Variants in NEGR1 observed in about 807,000 individuals in gnomAD.
NEGR1 encodes IgLON family member 4.
In NEGR1, 10 loss-of-function variants were observed where a neutral mutation model predicts 40.9. The observed-to-expected ratio is 0.24, with a 90% CI of 0.15 to 0.42. The LOEUF (loss-of-function observed/expected upper bound fraction) is 0.42. Among genes scored for constraint, NEGR1 ranks in the 10% least tolerant of loss-of-function variants. The pLI is 1.00. For missense variants in NEGR1, 352 were observed against 438.9 expected (o/e 0.80, Z 1.77); for synonymous variants, 185 against 166.8 (o/e 1.11, Z -0.84).
chr1:72,274,740 A>C, intron 1 of NEGR1: 1 of 1,107,410 alleles, frequency 9.0e-7, no homozygotes, highest in Non-Finnish European at 1.4e-6. Context: ...TAAAATCGGA[A>C]GGAGAAATTG....
intron 1 of NEGR1, among the ~76,000 whole-genome samples, chr1:71,994,549 A>C (rs76789253): frequency 0.44 from 65,666 of 148,064 alleles, 14,965 homozygotes; most frequent in East Asian, 0.66. Flanking sequence ...AAAACAAACA[A>C]AAAAAAAAAA....
intron 1 of NEGR1, among the ~76,000 whole-genome samples, chr1:72,267,941 A>G (rs1022272192): frequency 6.6e-6 from 1 of 151,304 alleles, no homozygotes; most frequent in Non-Finnish European, 1.5e-5. Flanking sequence ...ATCCATGTAT[A>G]AAAGTATTAC....
intron 1 of NEGR1, among the ~76,000 whole-genome samples, chr1:72,200,619 G>C (rs766879928): frequency 7.2e-5 from 11 of 151,826 alleles, no homozygotes; most frequent in Non-Finnish European, 1.5e-4. Context: ...TAAAAAACCT[G>C]TACATGTACC....
intron 2 of NEGR1, among the ~76,000 whole-genome samples, chr1:71,899,546 T>C (rs1661090524): frequency 6.6e-6 from 1 of 152,170 alleles, no homozygotes; most frequent in South Asian, 2.1e-4. Context: ...ATCCTTGAAA[T>C]GGTTAAAAAG....
intron 1 of NEGR1, among the ~76,000 whole-genome samples, chr1:72,144,630 C>T (rs571944825): frequency 4.2e-4 from 64 of 152,052 alleles, no homozygotes; most frequent in African/African-American, 1.3e-3. Flanking sequence ...CCATTTATAG[C>T]TAAGCTGTTT....
At chr1:72,130,302 G>A (rs1650195795) in intron 1 of NEGR1, among the ~76,000 whole-genome samples, 1 of 152,048 alleles carries the variant, frequency 6.6e-6, no homozygotes, top group Admixed American at 6.6e-5. Context: ...TTTTTTGCCC[G>A]AAACACTGAA....
At chr1:72,135,504 A>T (rs1473759488) in intron 1 of NEGR1, among the ~76,000 whole-genome samples, 1 of 152,016 alleles carries the variant, frequency 6.6e-6, no homozygotes, top group South Asian at 2.1e-4. Flanking sequence ...TGGGAGATGG[A>T]AAACAAATGA....
intron 1 of NEGR1, among the ~76,000 whole-genome samples, chr1:72,238,464 T>G (rs988507765): frequency 2.0e-5 from 3 of 151,896 alleles, no homozygotes; most frequent in African/African-American, 7.2e-5. Context: ...ATGACATTTT[T>G]TTTAAAAGAC....
At chr1:72,048,161 A>C (rs1035412631) in intron 1 of NEGR1, among the ~76,000 whole-genome samples, 3 of 151,588 alleles carry the variant, frequency 2.0e-5, no homozygotes, top group Admixed American at 6.6e-5. Flanking sequence ...GACTCTACCC[A>C]AACTCAAATT....
At chr1:71,707,980 T>A (rs1362336428) in intron 3 of NEGR1, among the ~76,000 whole-genome samples, 1 of 152,064 alleles carries the variant, frequency 6.6e-6, no homozygotes, top group South Asian at 2.1e-4. Context: ...ATAGCTTAGA[T>A]CACAACACCA....
At chr1:72,040,295 AAATTCTGTGTTG>A (rs1388018027) in intron 1 of NEGR1, among the ~76,000 whole-genome samples, 1 of 151,920 alleles carries the variant, frequency 6.6e-6, no homozygotes, top group Non-Finnish European at 1.5e-5. Flanking sequence ...AGAGGAAAGA[AAATTCTGTGTTG>A]AATCTGCAAT....
chr1:72,146,017 T>TG (rs5775104), intron 1 of NEGR1, among the ~76,000 whole-genome samples: 148,878 of 152,182 alleles, frequency 0.98, 72,842 homozygotes, highest in Middle Eastern at 1. Flanking sequence ...ACATGCTGTG[T>TG]ATTTCTCTCC....
chr1:71,597,896 GA>G (rs1296644847), intron 5 of NEGR1, among the ~76,000 whole-genome samples: 2 of 151,806 alleles, frequency 1.3e-5, no homozygotes, highest in Non-Finnish European at 2.9e-5. Flanking sequence ...CTGGACAACA[GA>G]GTGAGACTCC....
chr1:71,408,513 C>T (rs2101258523), intron 6 of NEGR1, among the ~76,000 whole-genome samples: 1 of 151,984 alleles, frequency 6.6e-6, no homozygotes, highest in South Asian at 2.1e-4. Flanking sequence ...GAAAATTCAC[C>T]AAGTTTGGGA....
At chr1:71,639,531 T>C (rs1651276720) in intron 4 of NEGR1, among the ~76,000 whole-genome samples, 1 of 152,030 alleles carries the variant, frequency 6.6e-6, no homozygotes, top group Non-Finnish European at 1.5e-5. Context: ...AGTGGAAGAA[T>C]ATGTGTATGC....
At chr1:71,971,081 G>A (rs1378959971) in intron 1 of NEGR1, among the ~76,000 whole-genome samples, 1 of 152,140 alleles carries the variant, frequency 6.6e-6, no homozygotes, top group Admixed American at 6.5e-5. Context: ...AAAGGAAAGG[G>A]CACAGAGATA....
chr1:71,866,790 T>C (rs1660126363), intron 2 of NEGR1, among the ~76,000 whole-genome samples: 1 of 152,092 alleles, frequency 6.6e-6, no homozygotes. Context: ...TAAATAAACG[T>C]GGTAAGAAGT....
intron 1 of NEGR1, among the ~76,000 whole-genome samples, chr1:71,940,401 C>G (rs372449550): frequency 1.4e-4 from 22 of 152,242 alleles, no homozygotes; most frequent in African/African-American, 5.3e-4. Flanking sequence ...TCTGTTGACA[C>G]TATACCAAAT....
At chr1:72,216,385 A>G (rs984204072) in intron 1 of NEGR1, among the ~76,000 whole-genome samples, 1 of 32,654 alleles carries the variant, frequency 3.1e-5, no homozygotes, top group Non-Finnish European at 6.9e-5. Context: ...ATATATATAC[A>G]TATATATATA....
Sources: allele counts gnomAD v4.1 joint callset (sites outside exome capture counted in the v4.1 genomes callset), GRCh38; gene constraint gnomAD v4.1.1; transcripts MANE v1.5; gene names NCBI Gene and HGNC (gene_info 2026-07-23, HGNC 2026-07-21).